Variants in SMARCA4 observed in about 807,000 individuals in gnomAD.
SMARCA4 encodes SWI/SNF-related matrix-associated actin-dependent regulator of chromatin subfamily A member 4.
In SMARCA4, 31 loss-of-function variants were observed where a neutral mutation model predicts 193.9. The ratio of observed to expected loss-of-function variants is 0.16; its 90% CI spans 0.12 to 0.22. The LOEUF (loss-of-function observed/expected upper bound fraction) is 0.22, where lower values mean the gene tolerates loss of function less well. SMARCA4 is among the 10% of genes least tolerant of loss of function. SMARCA4 has a pLI of 1.00. For missense variants in SMARCA4, 1,148 were observed against 2,296.0 expected (o/e 0.50, Z 10.22); for synonymous variants, 942 against 933.1 (o/e 1.01, Z -0.17).
intron 16 of SMARCA4, among the ~76,000 whole-genome samples, chr19:11,013,400 G>A (rs746834895): frequency 1.3e-4 from 20 of 152,192 alleles, no homozygotes; most frequent in Non-Finnish European, 2.8e-4. Context: ...ACATGGGTCA[G>A]GTTGGATGAG....
chr19:10,972,270 A>G (rs1840438449), intron 1 of SMARCA4, among the ~76,000 whole-genome samples: 1 of 150,872 alleles, frequency 6.6e-6, no homozygotes, highest in African/African-American at 2.4e-5. Flanking sequence ...TAATTTTTTT[A>G]TTATTAGTAG....
At chr19:11,042,552 T>G (rs1386492783) in intron 30 of SMARCA4, among the ~76,000 whole-genome samples, 2 of 152,226 alleles carry the variant, frequency 1.3e-5, no homozygotes, top group Non-Finnish European at 2.9e-5. Context: ...TTGCTGTTAG[T>G]CATGAAGCAG....
intron 15 of SMARCA4, 121 bp downstream of exon 15, chr19:11,010,652 C>T (rs1350342138): frequency 2.0e-5 from 18 of 922,422 alleles, no homozygotes; most frequent in Non-Finnish European, 3.0e-5. Context: ...GTGGGCAATG[C>T]ACTCTTCCCC....
Position 10,961,100 on chromosome 19 carries a change from A to T in SMARCA4, c.-106A>T, listed in dbSNP as rs942228160. 1 of 147,972 alleles carries T rather than the reference A, an allele frequency of 6.8e-6. No individual in the cohort carries two copies. The highest frequency in any genetic ancestry group is 1.5e-5 in the Non-Finnish European group (1 of 66,514). 9.2% of individuals were successfully genotyped at this position (147,972 alleles called of 1,614,324 possible). A position where few individuals can be genotyped will look rare whatever the true frequency, so the allele number is the denominator to read the frequency against. ...TCTTTGTTTCGTGAAGAGAAGCGAG[A>T]CGCCCATTCTGCCCCCGGCCCCGCG... On this transcript the variant is annotated 5_prime_UTR_variant, in exon 1 of 35. Coordinates refer to ENST00000344626, the MANE Select transcript of SMARCA4 (RefSeq NM_003072.5).
chr19:11,051,930 A>G (rs954719037), intron 30 of SMARCA4, among the ~76,000 whole-genome samples: 2 of 152,082 alleles, frequency 1.3e-5, no homozygotes, highest in African/African-American at 2.4e-5. Context: ...ACCCATCTCT[A>G]CTAAAAGTAC....
At chr19:11,001,131 C>T (rs1298140326) in intron 11 of SMARCA4, among the ~76,000 whole-genome samples, 5 of 152,062 alleles carry the variant, frequency 3.3e-5, no homozygotes, top group East Asian at 1.9e-4. Flanking sequence ...CATGGCTCAC[C>T]GCAGCCTTGA....
Position 11,021,877 on chromosome 19 carries a change from G to T in SMARCA4, c.2769G>T (p.Ala923=), listed in dbSNP as rs771913411. ...AGAACAAGCTTCCCGAGCTCTGGGCGCTGCTCAACTTCCTGCTGCCCACCA... is the reference window on the plus strand; with the variant it reads ...AGAACAAGCTTCCCGAGCTCTGGGCTCTGCTCAACTTCCTGCTGCCCACCA... ...PLQNKLPELW[A]LLNFLLPTIF... is the part of the protein sequence containing the mutation. The change falls in exon 19 of 35, where the codon GCG becomes GCT. Residue 923 remains alanine, a synonymous_variant. Transcript: ENST00000344626. 2.5e-6 allele frequency: 4 copies of T among 1,613,704 alleles called. No individual in the cohort carries two copies. Among genetic ancestry groups the T allele is most frequent in the East Asian group, 2.2e-5 (1 of 44,908 alleles).
At chr19:10,988,340 C>T (rs1478656639) in intron 6 of SMARCA4, among the ~76,000 whole-genome samples, 1 of 152,170 alleles carries the variant, frequency 6.6e-6, no homozygotes, top group African/African-American at 2.4e-5. Context: ...TCAGGCTGGT[C>T]TCGAGCTCCT....
intron 30 of SMARCA4, among the ~76,000 whole-genome samples, chr19:11,046,282 A>G (rs1311601277): frequency 6.6e-6 from 1 of 152,084 alleles, no homozygotes; most frequent in Non-Finnish European, 1.5e-5. Context: ...CTTTATCGAA[A>G]CTGTTCTGTT....
At position 11,041,038 on chromosome 19, in the gene SMARCA4, CTT is replaced by C; in HGVS notation, c.4171-261_4171-260del. On this transcript the variant is annotated intron_variant, in intron 29 of 34. Coordinates refer to ENST00000344626, the MANE Select transcript of SMARCA4 (RefSeq NM_003072.5). The surrounding 1 kb of genome is among the most constrained non-coding windows in gnomAD (Gnocchi z 5.6). ...TCTTTTCTGTACAGAGAAGATAGTTCTTTTTTTTTGGTCAAGAAATTCAACCA... is the reference window on the plus strand; with the variant it reads ...TCTTTTCTGTACAGAGAAGATAGTTCTTTTTTTGGTCAAGAAATTCAACCA... 1 of 492,948 alleles carries C rather than the reference CTT, an allele frequency of 2.0e-6. No homozygotes were observed. Among genetic ancestry groups the C allele is most frequent in the Non-Finnish European group, 3.6e-6 (1 of 277,786 alleles). 30.5% of individuals were successfully genotyped at this position (492,948 alleles called of 1,614,324 possible).
intron 1 of SMARCA4, among the ~76,000 whole-genome samples, chr19:10,979,687 ATATAT>A (rs1204456313): frequency 2.0e-5 from 3 of 150,164 alleles, no homozygotes; most frequent in African/African-American, 4.9e-5. Flanking sequence ...TATATGTTAC[ATATAT>A]TATATGTTAT....
chr19:11,004,644 G>A lies in SMARCA4; in HGVS notation c.2001+1247G>A, dbSNP rs572248429. The stretch of plus-strand genomic sequence containing the variant: ...TTACTTTCAACCTGAATCTACAACA[G>A]CATATGGGTTTTGCATTTTCAGCTA... On this transcript the variant is annotated intron_variant, in intron 13 of 34. Coordinates refer to ENST00000344626, the MANE Select transcript of SMARCA4 (RefSeq NM_003072.5). Among the ~76,000 whole-genome samples the A allele has an allele frequency of 2.6e-5, 4 of 152,186 alleles. No homozygotes were observed. The South Asian group carries it at 8.3e-4, about 32-fold the overall frequency.
intron 30 of SMARCA4, among the ~76,000 whole-genome samples, chr19:11,048,356 C>A (rs2076067755): frequency 6.6e-6 from 1 of 152,146 alleles, no homozygotes; most frequent in African/African-American, 2.4e-5. Context: ...CTCAGCCTCC[C>A]AAGTAGCTGG....
intron 1 of SMARCA4, among the ~76,000 whole-genome samples, chr19:10,971,774 CTTT>C (rs35918034): frequency 9.3e-5 from 12 of 128,414 alleles, no homozygotes; most frequent in Admixed American, 1.6e-4. Flanking sequence ...ACCCTGAATA[CTTT>C]TTTTTTTTTT....
At position 11,018,663 on chromosome 19, in the gene SMARCA4, T is replaced by C. The variant is rs77604063; in HGVS notation, c.2439-294T>C. ...CAGCAGGTCCAGGCTTCCCCAGCCCTGGCAGCATTGTTTCTGTCCCCCATC... is the reference window on the plus strand; with the variant it reads ...CAGCAGGTCCAGGCTTCCCCAGCCCCGGCAGCATTGTTTCTGTCCCCCATC... On this transcript the variant is annotated intron_variant, in intron 16 of 34. Coordinates refer to ENST00000344626, the MANE Select transcript of SMARCA4 (RefSeq NM_003072.5). Among the ~76,000 whole-genome samples the C allele has an allele frequency of 0.035, 5,261 of 152,358 alleles. 130 individuals are homozygous for C. Among genetic ancestry groups the C allele is most frequent in the Non-Finnish European group, 0.041 (2,795 of 68,022 alleles).
chr19:11,037,444 C>CT (rs1382210126), intron 29 of SMARCA4, among the ~76,000 whole-genome samples: 1 of 152,170 alleles, frequency 6.6e-6, no homozygotes, highest in Non-Finnish European at 1.5e-5. Context: ...CTTCTTGGCC[C>CT]TTTGTGTATC....
At chr19:10,968,760 G>A (rs1321621072) in intron 1 of SMARCA4, among the ~76,000 whole-genome samples, 6 of 152,206 alleles carry the variant, frequency 3.9e-5, no homozygotes, top group Non-Finnish European at 7.3e-5. Context: ...GGAGACTTGA[G>A]GGGGAGGGTC....
intron 19 of SMARCA4, among the ~76,000 whole-genome samples, chr19:11,022,631 T>C (rs1419477043): frequency 6.6e-6 from 1 of 152,190 alleles, no homozygotes. Flanking sequence ...CTACAGAGGT[T>C]ACCTCGAAGT....
At chr19:10,995,396 G>C (rs956964724) in intron 9 of SMARCA4, 2 of 465,970 alleles carry the variant, frequency 4.3e-6, no homozygotes, top group African/African-American at 4.0e-5. Flanking sequence ...GCCAGGTGCT[G>C]CTCTGTGTAC....
Sources: gnomAD v4.1 joint callset for allele counts (sites outside exome capture counted in the v4.1 genomes callset) on GRCh38, gnomAD v4.1.1 for gene constraint, Gnocchi (gnomAD v3.1) non-coding constraint, MANE v1.5 for transcripts, NCBI Gene and HGNC (gene_info 2026-07-23, HGNC 2026-07-21) for gene names.